The following STX3 variants were observed in gnomAD, a reference collection of about 807,000 sequenced individuals.
STX3 encodes the protein syntaxin-3.
A neutral mutation model predicts 40.2 loss-of-function variants in STX3; 19 were observed. That is an observed-to-expected ratio of 0.47 (90% CI 0.33 to 0.69). The LOEUF (loss-of-function observed/expected upper bound fraction) is 0.69. Ranked by LOEUF, STX3 falls within the 30% of genes least tolerant of loss-of-function variation. The pLI, the probability that STX3 is intolerant of heterozygous loss-of-function variation, is 0.02. For missense variants in STX3, 364 were observed against 366.7 expected (o/e 0.99, Z 0.06); for synonymous variants, 122 against 132.2 (o/e 0.92, Z 0.53).
chr11:59,789,470 T>G (rs1864982345), intron 4 of STX3, among the ~76,000 whole-genome samples: 1 of 151,798 alleles, frequency 6.6e-6, no homozygotes, highest in South Asian at 2.1e-4. Flanking sequence ...AGACAGAATC[T>G]TGCTCTGTTG....
intron 1 of STX3, among the ~76,000 whole-genome samples, chr11:59,771,878 G>A (rs929099022): frequency 3.3e-5 from 5 of 152,136 alleles, no homozygotes; most frequent in African/African-American, 4.8e-5. Context: ...GAAGTTGATC[G>A]GGGAGGTGGT....
Position 59,792,205 on chromosome 11 carries a change from G to C in STX3, c.456G>C (p.Gln152His). The change falls in exon 6 of 11, where the codon CAG (glutamine) becomes CAC (histidine). Residue 152 changes from glutamine to histidine, a missense_variant. Transcript: ENST00000337979. The part of the protein sequence containing the change: ...RERSKGRIQR[Q>H]LEITGKKTTD... ...GCAGCAAAGGGCGAATCCAGCGGCAGCTCGAAATTAGTATGTACTTGAGGT... is the reference window on the plus strand; with the variant it reads ...GCAGCAAAGGGCGAATCCAGCGGCACCTCGAAATTAGTATGTACTTGAGGT... 6.2e-7 allele frequency: 1 copy of C among 1,613,832 alleles called. No homozygotes were observed. The highest frequency in any genetic ancestry group is 1.7e-5 in the Admixed American group (1 of 60,014).
In STX3 at chr11:59,802,498, A is replaced by G. The variant is rs1865924089; in HGVS notation, c.*1674A>G. ...GAGCCAAGGCAATATCCTCTTGCCC[A>G]TGGCTATGATGTCAGACAGTGGATG... On this transcript the variant is annotated 3_prime_UTR_variant, in exon 11 of 11. Transcript: ENST00000337979. 1.2e-5 allele frequency: 12 copies of G among 985,838 alleles called. No individual in the cohort carries two copies. The highest frequency in any genetic ancestry group is 1.4e-5 in the Non-Finnish European group (12 of 829,872). 61.1% of individuals were successfully genotyped at this position (985,838 alleles called of 1,614,324 possible).
Position 59,788,952 on chromosome 11 carries a change from G to C in STX3, c.289+5G>C, listed in dbSNP as rs755942089. 2.5e-6 allele frequency: 4 copies of C among 1,606,648 alleles called. No individual in the cohort carries two copies. The highest frequency in any genetic ancestry group is 3.4e-6 in the Non-Finnish European group (4 of 1,176,116). ...ACGTCCGGAACAAACTGAAGAGTAA[G>C]AAGGGAACAAAGAAAACAAGGCCGT... On this transcript the variant is annotated splice_donor_5th_base_variant and intron_variant, in intron 4 of 10. Coordinates refer to ENST00000337979, the MANE Select transcript of STX3 (RefSeq NM_004177.5).
At chr11:59,787,894 C>T (rs935795147) in intron 3 of STX3, among the ~76,000 whole-genome samples, 2 of 152,180 alleles carry the variant, frequency 1.3e-5, no homozygotes, top group African/African-American at 4.8e-5. Context: ...TCCACTCTTT[C>T]ATTTTTCCCA....
At chr11:59,795,267 G>A (rs1865442142) in intron 8 of STX3, 105 bp from the exon 9 acceptor site, 1 of 918,928 alleles carries the variant, frequency 1.1e-6, no homozygotes, top group Non-Finnish European at 1.7e-6. Context: ...GTTTGTGGAT[G>A]CTCTTCTTGC....
chr11:59,755,563 C>T lies in STX3; in HGVS notation c.-43C>T, dbSNP rs1862660575. On this transcript the variant is annotated 5_prime_UTR_variant, in exon 1 of 11. Coordinates refer to ENST00000337979, the MANE Select transcript of STX3 (RefSeq NM_004177.5). ...GGGAAGCGCTCACCTGGGACGCGCTCACCTGGGACGCGCTACCTGCCTCCG... is the reference window on the plus strand; with the variant it reads ...GGGAAGCGCTCACCTGGGACGCGCTTACCTGGGACGCGCTACCTGCCTCCG... 7 of 1,589,218 alleles carry T rather than the reference C, an allele frequency of 4.4e-6. No homozygotes were observed. In the East Asian group the frequency reaches 9.2e-5, roughly 21 times the overall value.
chr11:59,765,706 A>T (rs904802268), intron 1 of STX3, among the ~76,000 whole-genome samples: 1 of 152,172 alleles, frequency 6.6e-6, no homozygotes, highest in African/African-American at 2.4e-5. Flanking sequence ...TGGAAGGCTG[A>T]GGCAGGAGAA....
intron 2 of STX3, among the ~76,000 whole-genome samples, chr11:59,782,797 A>G (rs1004291131): frequency 6.6e-5 from 10 of 151,926 alleles, no homozygotes; most frequent in Non-Finnish European, 1.2e-4. Context: ...GTTAGAGACC[A>G]GCCTGGCCAA....
chr11:59,792,327 C>A, intron 6 of STX3, 112 bp downstream of exon 6: 1 of 804,660 alleles, frequency 1.2e-6, no homozygotes, highest in Non-Finnish European at 2.1e-6. Context: ...GTGCCTAAGT[C>A]TAGGGCAGCT....
chr11:59,754,983 T>G (rs905412914), upstream of STX3: 5 of 152,314 alleles, frequency 3.3e-5, no homozygotes, highest in Non-Finnish European at 7.3e-5. Context: ...AATGCCTTCC[T>G]CCTGGCGGGA....
intron 1 of STX3, among the ~76,000 whole-genome samples, chr11:59,770,356 G>A (rs1863538794): frequency 6.6e-6 from 1 of 151,124 alleles, no homozygotes; most frequent in South Asian, 2.1e-4. Context: ...GCGGGTGTAT[G>A]TGTGGAGTGT....
rs911889398 is a variant in STX3, at chr11:59,795,532, T to G, written c.786+50T>G. 9 of 1,568,332 alleles carry G rather than the reference T, an allele frequency of 5.7e-6. No homozygotes were observed. The African/African-American group carries it at 1.1e-4, about 19-fold the overall frequency. On this transcript the variant is annotated intron_variant, in intron 9 of 10. Coordinates refer to ENST00000337979, the MANE Select transcript of STX3 (RefSeq NM_004177.5). ...AGAAGAGAGTCCATTTTGTTTGCTG[T>G]GTCTCGCTCTTTCTCTTCCCTCTCC...
chr11:59,792,172 C>A lies in STX3; in HGVS notation c.423C>A (p.Phe141Leu). The A allele has an allele frequency of 3.7e-6, 6 of 1,614,074 alleles. No individual in the cohort carries two copies. Among genetic ancestry groups the A allele is most frequent in the Non-Finnish European group, 5.1e-6 (6 of 1,180,032 alleles). The change falls in exon 6 of 11, where the codon TTC (phenylalanine) becomes TTA (leucine). Residue 141 changes from phenylalanine to leucine, a missense_variant. Phe to Leu is a conservative substitution (Grantham distance 22, BLOSUM62 0). Coordinates refer to ENST00000337979, the MANE Select transcript of STX3 (RefSeq NM_004177.5). The part of the protein sequence containing the change: ...MTKYNEAQVD[F>L]RERSKGRIQR... ...AATACAATGAAGCTCAAGTGGACTT[C>A]CGAGAACGCAGCAAAGGGCGAATCC...
chr11:59,776,298 C>T (rs1863960670), intron 2 of STX3, among the ~76,000 whole-genome samples: 2 of 152,122 alleles, frequency 1.3e-5, no homozygotes, highest in South Asian at 4.1e-4. Context: ...GAGAATATTA[C>T]CTGTTGGATT....
chr11:59,803,275 A>T lies in STX3; in HGVS notation c.*2451A>T, dbSNP rs1056611820. 1 of 1,231,620 alleles carries T rather than the reference A, an allele frequency of 8.1e-7. No homozygotes were observed. 76.3% of individuals were successfully genotyped at this position (1,231,620 alleles called of 1,614,324 possible). ...CCTTGCGATCATCTTAGCTTCCACC[A>T]TTGGGAGCATATTTGCCTGAAAAAG... On this transcript the variant is annotated 3_prime_UTR_variant, in exon 11 of 11. Coordinates refer to ENST00000337979, the MANE Select transcript of STX3 (RefSeq NM_004177.5).
intron 5 of STX3, among the ~76,000 whole-genome samples, chr11:59,791,752 CAT>C (rs1185006003): frequency 3.9e-5 from 6 of 152,078 alleles, no homozygotes; most frequent in Non-Finnish European, 7.3e-5. Flanking sequence ...GTAAGTATGA[CAT>C]GTGGGAAGGG....
intron 3 of STX3, among the ~76,000 whole-genome samples, chr11:59,787,886 C>T (rs1037926462): frequency 2.0e-5 from 3 of 152,080 alleles, no homozygotes; most frequent in Non-Finnish European, 2.9e-5. Context: ...ACTGTCATTC[C>T]ACTCTTTCAT....
At chr11:59,764,848 A>G (rs1718941672) in intron 1 of STX3, among the ~76,000 whole-genome samples, 2 of 151,748 alleles carry the variant, frequency 1.3e-5, no homozygotes, top group South Asian at 4.2e-4. Context: ...ATTTGAAACC[A>G]CAAAAGTGCC....
Sources: allele counts gnomAD v4.1 joint callset (sites outside exome capture counted in the v4.1 genomes callset), GRCh38; gene constraint gnomAD v4.1.1; transcripts MANE v1.5; gene names NCBI Gene and HGNC (gene_info 2026-07-23, HGNC 2026-07-21).